Variants in DMXL2 observed in about 807,000 individuals in gnomAD.
DMXL2 encodes the protein Dmx like 2, also known as dmX-like protein 2.
In DMXL2, 103 loss-of-function variants were observed where a neutral mutation model predicts 331.1. The ratio of observed to expected loss-of-function variants is 0.31; its 90% CI spans 0.27 to 0.37. The LOEUF is 0.37. Ranked by LOEUF, DMXL2 falls within the 10% of genes least tolerant of loss-of-function variation. The pLI is 1.00. For synonymous variants in DMXL2, 1,281 were observed against 1,252.1 expected (o/e 1.02, Z -0.49); for missense variants, 3,171 against 3,642.9 (o/e 0.87, Z 3.33).
intron 1 of DMXL2, among the ~76,000 whole-genome samples, chr15:51,607,283 C>T (rs937522059): frequency 5.9e-5 from 9 of 151,740 alleles, no homozygotes; most frequent in Non-Finnish European, 1.2e-4. Context: ...AGTGAAACCC[C>T]GTCTCTACTA....
intron 27 of DMXL2, among the ~76,000 whole-genome samples, chr15:51,476,322 T>C (rs570342033): frequency 6.6e-6 from 1 of 152,318 alleles, no homozygotes; most frequent in East Asian, 1.9e-4. Flanking sequence ...AAAGATAATG[T>C]GCTCCATCCT....
intron 1 of DMXL2, among the ~76,000 whole-genome samples, chr15:51,605,998 G>GTC (rs1328237480): frequency 6.6e-6 from 1 of 152,196 alleles, no homozygotes; most frequent in Non-Finnish European, 1.5e-5. Context: ...AACAGCATTT[G>GTC]CTAATCTAAA....
At position 51,557,215 on chromosome 15, in the gene DMXL2, T is replaced by C. The variant is rs575123945; in HGVS notation, c.567+6166A>G. The stretch of plus-strand genomic sequence containing the variant: ...AAGGGTGCTGGGCATAAAGCCAATA[T>C]ACAAAAACTGCATTTCTATATACCA... On this transcript the variant is annotated intron_variant, in intron 6 of 43. Transcript: ENST00000560891. Among the ~76,000 whole-genome samples, 5 of 152,284 alleles carry C rather than the reference T, an allele frequency of 3.3e-5. No individual in the cohort carries two copies. The East Asian group carries it at 7.7e-4, about 23-fold the overall frequency.
chr15:51,568,560 T>TA lies in DMXL2; in HGVS notation c.214-3dup. On this transcript the variant is annotated splice_region_variant and splice_polypyrimidine_tract_variant and intron_variant, in intron 2 of 43. Coordinates refer to ENST00000560891, the MANE Select transcript of DMXL2 (RefSeq NM_001378457.1). ...AGCATTACCATATGAAGCTGCAATC[T>TA]AAAAAAGAATAAATACAGCATTAAT... The TA allele has an allele frequency of 6.4e-7, 1 of 1,558,852 alleles. No individual in the cohort carries two copies. The highest frequency in any genetic ancestry group is 8.6e-7 in the Non-Finnish European group (1 of 1,156,482).
At chr15:51,588,087 A>C (rs1260941840) in intron 1 of DMXL2, among the ~76,000 whole-genome samples, 1 of 150,736 alleles carries the variant, frequency 6.6e-6, no homozygotes, top group Non-Finnish European at 1.5e-5. Context: ...TCAGCTGAGT[A>C]GGTTGCAGAA....
chr15:51,454,296 G>GAGTCCTT (rs1595875414), intron 40 of DMXL2, among the ~76,000 whole-genome samples: 1 of 152,284 alleles, frequency 6.6e-6, no homozygotes, highest in East Asian at 1.9e-4. Flanking sequence ...TGTGAAGCCT[G>GAGTCCTT]AAGTTTCACA....
intron 41 of DMXL2, among the ~76,000 whole-genome samples, chr15:51,452,871 A>C (rs1029909816): frequency 6.6e-6 from 1 of 152,244 alleles, no homozygotes; most frequent in Non-Finnish European, 1.5e-5. Flanking sequence ...AAATGGATAA[A>C]GAAAATGTGG....
chr15:51,608,762 GA>G (rs74838309), intron 1 of DMXL2, among the ~76,000 whole-genome samples: 72,583 of 150,542 alleles, frequency 0.48, 17,739 homozygotes, highest in Non-Finnish European at 0.52. Context: ...AAAAAAGAAT[GA>G]AAAAAAAAGG....
At chr15:51,531,651 T>C (rs938483274) in intron 13 of DMXL2, among the ~76,000 whole-genome samples, 3 of 152,026 alleles carry the variant, frequency 2.0e-5, no homozygotes, top group Non-Finnish European at 2.9e-5. Flanking sequence ...CCAGAATATA[T>C]AAGAAGCTCA....
At chr15:51,617,448 A>C (rs959299862) in intron 1 of DMXL2, among the ~76,000 whole-genome samples, 1 of 152,158 alleles carries the variant, frequency 6.6e-6, no homozygotes, top group Non-Finnish European at 1.5e-5. Context: ...ACTACTTCAT[A>C]AATGCTCTGA....
chr15:51,556,212 G>T (rs996912278), intron 6 of DMXL2, among the ~76,000 whole-genome samples: 1 of 151,748 alleles, frequency 6.6e-6, no homozygotes, highest in Non-Finnish European at 1.5e-5. Flanking sequence ...GCGTGGTGGC[G>T]GGCGCCTGTA....
intron 1 of DMXL2, among the ~76,000 whole-genome samples, chr15:51,620,270 G>A (rs1008944084): frequency 1.3e-5 from 2 of 152,064 alleles, no homozygotes; most frequent in African/African-American, 4.8e-5. Flanking sequence ...CAAAACTAAG[G>A]TAGTTAAATG....
chr15:51,592,271 C>T lies in DMXL2; in HGVS notation c.88-16090G>A, dbSNP rs557555074. Among the ~76,000 whole-genome samples the T allele has an allele frequency of 5.8e-4, 89 of 152,218 alleles. 1 individual carries two copies. Among genetic ancestry groups the T allele is most frequent in the South Asian group, 5.6e-3 (27 of 4,824 alleles). ...AGGCACAGGAACTACATGACGAATG[C>T]ACAAGCCTCAGTCGCTGATTCGATC... On this transcript the variant is annotated intron_variant, in intron 1 of 43. Transcript: ENST00000560891.
chr15:51,523,175 A>T (rs533571533), intron 13 of DMXL2, among the ~76,000 whole-genome samples: 3 of 152,378 alleles, frequency 2.0e-5, no homozygotes, highest in Middle Eastern at 3.4e-3. Flanking sequence ...TTAGTAGAAG[A>T]AGTAAGTAGG....
Position 51,486,302 on chromosome 15 carries a change from G to A in DMXL2, c.5253C>T (p.Ala1751=). 1 of 1,599,374 alleles carries A rather than the reference G, an allele frequency of 6.3e-7. No homozygotes were observed. The highest frequency in any genetic ancestry group is 8.6e-7 in the Non-Finnish European group (1 of 1,167,744). ...ATTCATATAAACGGGCAATAACCATGGCTAGCTGAATATCTTCCATTTTTT... is the reference window on the plus strand; with the variant it reads ...ATTCATATAAACGGGCAATAACCATAGCTAGCTGAATATCTTCCATTTTTT... ...CLEKMEDIQL[A]MVIARLYESE... is the part of the protein sequence containing the mutation. The change falls in exon 23 of 44, where the codon GCC becomes GCT. Residue 1751 remains alanine (A), a synonymous_variant. Coordinates refer to ENST00000560891, the MANE Select transcript of DMXL2 (RefSeq NM_001378457.1).
At chr15:51,608,510 AC>A (rs1198966854) in intron 1 of DMXL2, among the ~76,000 whole-genome samples, 1 of 152,212 alleles carries the variant, frequency 6.6e-6, no homozygotes, top group Non-Finnish European at 1.5e-5. Context: ...AAAACCAAAT[AC>A]CACATATTCT....
chr15:51,566,147 T>G (rs1169157645), intron 3 of DMXL2, among the ~76,000 whole-genome samples: 1 of 152,018 alleles, frequency 6.6e-6, no homozygotes, highest in Non-Finnish European at 1.5e-5. Flanking sequence ...AGTTTGAGGT[T>G]ATAGTGAGCT....
At chr15:51,586,500 A>T (rs552817791) in intron 1 of DMXL2, among the ~76,000 whole-genome samples, 2 of 152,270 alleles carry the variant, frequency 1.3e-5, no homozygotes, top group East Asian at 3.9e-4. Flanking sequence ...CTACTCCAAA[A>T]CAGCAACTGG....
At chr15:51,524,572 T>G (rs1216737490) in intron 13 of DMXL2, among the ~76,000 whole-genome samples, 1 of 152,152 alleles carries the variant, frequency 6.6e-6, no homozygotes, top group Non-Finnish European at 1.5e-5. Context: ...AGCAGCGTGG[T>G]GCTGAGAGAG....
Sources: gnomAD v4.1 joint callset for allele counts (sites outside exome capture counted in the v4.1 genomes callset) on GRCh38, gnomAD v4.1.1 for gene constraint, MANE v1.5 for transcripts, NCBI Gene and HGNC (gene_info 2026-07-23, HGNC 2026-07-21) for gene names.